Variants in SMOC2 observed in about 807,000 individuals in gnomAD.
SMOC2 encodes SPARC related modular calcium binding 2, also known as SPARC-related modular calcium-binding protein 2.
Under a neutral mutation model 61.4 loss-of-function variants are expected in SMOC2, and 39 were observed. The ratio of observed to expected loss-of-function variants is 0.64; its 90% confidence interval spans 0.49 to 0.83. The LOEUF is 0.83. SMOC2 is among the 40% of genes least tolerant of loss of function. The probability of loss-of-function intolerance (pLI) is 0.00; values close to 1 mark genes in which losing one functional copy is unlikely to be tolerated. For missense variants in SMOC2, 556 were observed against 592.9 expected (o/e 0.94, Z 0.65); for synonymous variants, 247 against 239.9 (o/e 1.03, Z -0.27).
At chr6:168,598,196 C>T (rs1209539762) in intron 7 of SMOC2, among the ~76,000 whole-genome samples, 7 of 152,238 alleles carry the variant, frequency 4.6e-5, no homozygotes, top group African/African-American at 7.2e-5. Flanking sequence ...TTTTAGATAG[C>T]GTGCACCTGT....
At chr6:168,545,540 C>T (rs1783974973) in intron 5 of SMOC2, among the ~76,000 whole-genome samples, 2 of 152,192 alleles carry the variant, frequency 1.3e-5, no homozygotes, top group South Asian at 4.1e-4. Context: ...GGGACGGGGG[C>T]ATGGAGTAGG....
chr6:168,602,597 C>T (rs1785579466), intron 8 of SMOC2, among the ~76,000 whole-genome samples: 2 of 152,166 alleles, frequency 1.3e-5, no homozygotes. Flanking sequence ...GCACCCAGGG[C>T]AGGACTAGGA....
At chr6:168,609,752 C>T (rs988601548) in intron 9 of SMOC2, among the ~76,000 whole-genome samples, 6 of 152,196 alleles carry the variant, frequency 3.9e-5, no homozygotes, top group African/African-American at 1.4e-4. Context: ...TTGACCTTGT[C>T]ACGTGCACTT....
At chr6:168,617,310 C>G (rs151269716) in intron 9 of SMOC2, among the ~76,000 whole-genome samples, 5 of 152,092 alleles carry the variant, frequency 3.3e-5, no homozygotes, top group Admixed American at 2.6e-4. Flanking sequence ...GGGTGCTGGG[C>G]GCTTTTTCTG....
In SMOC2 at chr6:168,620,926, A is replaced by AGGTTTCCCTC. The variant is rs1786226865; in HGVS notation, c.907+12687_907+12688insGGTTTCCCTC. 1.9e-3 allele frequency among the ~76,000 whole-genome samples: 282 copies of AGGTTTCCCTC among 152,272 alleles called. 7 individuals are homozygous for AGGTTTCCCTC. Among genetic ancestry groups the AGGTTTCCCTC allele is most frequent in the African/African-American group, 6.6e-3 (272 of 41,518 alleles). ...GACAGACTAAGGCTGCAGTGCCCAG[A>AGGTTTCCCTC]TGCATCAGCCGCGTGTCAAACTCCT... On this transcript the variant is annotated intron_variant, in intron 9 of 12. Transcript: ENST00000356284.
chr6:168,581,461 C>T (rs1196714244), intron 7 of SMOC2, among the ~76,000 whole-genome samples: 1 of 152,192 alleles, frequency 6.6e-6, no homozygotes, highest in African/African-American at 2.4e-5. Flanking sequence ...GCACCTGCCA[C>T]CTGCAGCTTC....
chr6:168,492,593 T>C (rs1242129766), intron 1 of SMOC2, among the ~76,000 whole-genome samples: 1 of 152,244 alleles, frequency 6.6e-6, no homozygotes, highest in African/African-American at 2.4e-5. Context: ...ATTTCATAGT[T>C]ATTACCACAT....
At chr6:168,604,169 C>G (rs1369445840) in intron 8 of SMOC2, among the ~76,000 whole-genome samples, 1 of 152,188 alleles carries the variant, frequency 6.6e-6, no homozygotes, top group Admixed American at 6.5e-5. Flanking sequence ...TGCAACAGAT[C>G]CGGACATCTC....
At chr6:168,559,045 C>T (rs2115120566) in intron 7 of SMOC2, among the ~76,000 whole-genome samples, 1 of 152,352 alleles carries the variant, frequency 6.6e-6, no homozygotes. Flanking sequence ...ATCGTAGTGA[C>T]AGGATTAATA....
intron 1 of SMOC2, among the ~76,000 whole-genome samples, chr6:168,451,611 C>G (rs957180062): frequency 9.2e-5 from 14 of 151,650 alleles, no homozygotes; most frequent in African/African-American, 3.1e-4. Context: ...CTCTCTCTCT[C>G]TCTCTCTCTC....
In SMOC2 at chr6:168,463,697, A is replaced by G. The variant is rs1161587935; in HGVS notation, c.84+22243A>G. Among the ~76,000 whole-genome samples the G allele has an allele frequency of 3.3e-5, 5 of 152,132 alleles. 1 individual carries two copies. The highest frequency in any genetic ancestry group is 4.8e-5 in the African/African-American group (2 of 41,432). On this transcript the variant is annotated intron_variant, in intron 1 of 12. Coordinates refer to ENST00000356284, the MANE Select transcript of SMOC2 (RefSeq NM_001166412.2). ...GAGAAACCCTGTGCTTACAGAGAGCATCATCCTGAGAGAAGACTCTCCTAA... is the reference window on the plus strand; with the variant it reads ...GAGAAACCCTGTGCTTACAGAGAGCGTCATCCTGAGAGAAGACTCTCCTAA...
chr6:168,531,341 G>A (rs1334893650), intron 4 of SMOC2, among the ~76,000 whole-genome samples: 1 of 152,188 alleles, frequency 6.6e-6, no homozygotes, highest in African/African-American at 2.4e-5. Flanking sequence ...TTCTGTATGG[G>A]TGTCAATATT....
Position 168,509,961 on chromosome 6 carries a change from G to A in SMOC2, c.131G>A (p.Cys44Tyr). 1.2e-6 allele frequency: 2 copies of A among 1,614,206 alleles called. No homozygotes were observed. The highest frequency in any genetic ancestry group is 1.7e-6 in the Non-Finnish European group (2 of 1,180,040). ...QDKDKDCSLD[C>Y]AGSPQKPLCA... ...AAAGACAAGGATTGTAGCTTGGACT[G>A]TGCGGGTTCGCCCCAGAAACCTCTC... Residue 44 changes from cysteine (C) to tyrosine (Y), a missense_variant, in exon 2 of 13, where the codon TGT becomes TAT. By Grantham distance (194) the Cys-to-Tyr change is radical. Transcript: ENST00000356284.
At chr6:168,628,122 C>T (rs943397987) in intron 9 of SMOC2, among the ~76,000 whole-genome samples, 3 of 152,212 alleles carry the variant, frequency 2.0e-5, no homozygotes, top group African/African-American at 4.8e-5. Context: ...CTGTGGCCCC[C>T]TAGGTTTGCC....
chr6:168,599,102 A>G, intron 8 of SMOC2, 98 bp downstream of exon 8: 1 of 1,039,590 alleles, frequency 9.6e-7, no homozygotes, highest in Non-Finnish European at 1.4e-6. Flanking sequence ...ACACACCGAC[A>G]CACAGTCACA....
intron 9 of SMOC2, among the ~76,000 whole-genome samples, chr6:168,646,365 T>G (rs530276208): frequency 6.6e-6 from 1 of 152,304 alleles, no homozygotes; most frequent in African/African-American, 2.4e-5. Context: ...CACTTTCTCC[T>G]GTGTTTGAGT....
intron 9 of SMOC2, among the ~76,000 whole-genome samples, chr6:168,611,017 A>G (rs1381133166): frequency 6.6e-6 from 1 of 152,086 alleles, no homozygotes; most frequent in Non-Finnish European, 1.5e-5. Flanking sequence ...ACCTCACTTT[A>G]TTTTGCCCTG....
rs112523845 is a variant in SMOC2 at position 168,611,408 on chromosome 6, C to T, written c.907+3169C>T. Reference sequence around the variant, plus strand: ...CTGGCCCTGCTCTGGTTCTCATGTCCGGGACCCACCGTGGCTCCCGTGTCG... The same window carrying T: ...CTGGCCCTGCTCTGGTTCTCATGTCTGGGACCCACCGTGGCTCCCGTGTCG... On this transcript the variant is annotated intron_variant, in intron 9 of 12. Coordinates refer to ENST00000356284, the MANE Select transcript of SMOC2 (RefSeq NM_001166412.2). Among the ~76,000 whole-genome samples the T allele has an allele frequency of 1.4e-3, 138 of 96,682 alleles. 1 individual carries two copies. Among genetic ancestry groups the T allele is most frequent in the Middle Eastern group, 6.7e-3 (1 of 150 alleles). 63.4% of individuals were successfully genotyped at this position (96,682 alleles called of 152,430 possible).
Position 168,633,110 on chromosome 6 carries a change from G to T in SMOC2, c.908-17571G>T, listed in dbSNP as rs138795875. Among the ~76,000 whole-genome samples, 875 of 152,320 alleles carry T rather than the reference G, an allele frequency of 5.7e-3. 14 individuals are homozygous for T. Among genetic ancestry groups the T allele is most frequent in the African/African-American group, 0.02 (823 of 41,580 alleles). The stretch of plus-strand genomic sequence containing the variant: ...CTGTTTGAGGACGTAGGGCTGAGAT[G>T]ACTTCATTTTCCTCCTCTGTGTCTC... On this transcript the variant is annotated intron_variant, in intron 9 of 12. Coordinates refer to ENST00000356284, the MANE Select transcript of SMOC2 (RefSeq NM_001166412.2).
Sources: allele counts gnomAD v4.1 joint callset (sites outside exome capture counted in the v4.1 genomes callset), GRCh38; gene constraint gnomAD v4.1.1; transcripts MANE v1.5; gene names NCBI Gene and HGNC (gene_info 2026-07-23, HGNC 2026-07-21).